The following PZP variants were observed in gnomAD, a reference collection of about 807,000 sequenced individuals.
PZP encodes PZP alpha-2-macroglobulin like.
Under a neutral mutation model 179.8 loss-of-function variants are expected in PZP, and 150 were observed. That is an observed-to-expected ratio of 0.83 (90% CI 0.73 to 0.96). The LOEUF is 0.96. PZP is among the 40% of genes least tolerant of loss of function. The pLI, the probability that PZP is intolerant of heterozygous loss-of-function variation, is 0.00. For missense variants in PZP, 1,689 were observed against 1,764.0 expected, an observed-to-expected ratio of 0.96 and a Z score of 0.76; for synonymous variants, 624 against 652.3, an observed-to-expected ratio of 0.96 and a Z score of 0.66.
chr12:9,175,572 G>A (rs1415865519), intron 15 of PZP, among the ~76,000 whole-genome samples: 1 of 152,054 alleles, frequency 6.6e-6, no homozygotes, highest in Non-Finnish European at 1.5e-5. Context: ...ACCTGAGAAA[G>A]GCCTAATATC....
At chr12:9,146,683 G>A (rs1163220309), downstream of PZP, among the ~76,000 whole-genome samples, 1 of 152,124 alleles carries the variant, frequency 6.6e-6, no homozygotes, top group Non-Finnish European at 1.5e-5. Flanking sequence ...TGGAGGTTGT[G>A]GGAGATTCTA....
At chr12:9,160,671 T>G (rs934758509) in intron 23 of PZP, among the ~76,000 whole-genome samples, 181 bp from the exon 24 acceptor site, 4 of 152,014 alleles carry the variant, frequency 2.6e-5, no homozygotes, top group African/African-American at 9.7e-5. Flanking sequence ...TCCCAGCACT[T>G]TGGGAGGCCG....
rs1252366744 is a variant in PZP at position 9,192,590 on chromosome 12, G to T, written c.1404C>A (p.His468Gln). The T allele has an allele frequency of 6.2e-7, 1 of 1,614,190 alleles. No homozygotes were observed. Among genetic ancestry groups the T allele is most frequent in the South Asian group, 1.1e-5 (1 of 91,082 alleles). Residue 468 changes from histidine to glutamine, a missense_variant, in exon 12 of 36, where the codon CAC (histidine) becomes CAA (glutamine). Physicochemically the swap from His to Gln is conservative, Grantham distance 24 (BLOSUM62 0). Coordinates refer to ENST00000261336, the MANE Select transcript of PZP (RefSeq NM_002864.3). ...EPVAGTLPCGHTETITAHYTL... is the reference protein window; with the variant it reads ...EPVAGTLPCGQTETITAHYTL... ...TATAGTGTGCCGTGATAGTCTCCGT[G>T]TGGCCACAGGGCAGGGTACCAGCCA...
At chr12:9,141,913 G>A in the PZP span, among the ~76,000 whole-genome samples, 1 of 152,290 alleles carries the variant, frequency 6.6e-6, no homozygotes, top group African/African-American at 2.4e-5. Flanking sequence ...TGCAAAGCAG[G>A]CAAGTTGTAC....
Position 9,194,716 on chromosome 12 carries a change from G to A in PZP, c.1093-478C>T, listed in dbSNP as rs754824077. 7.9e-5 allele frequency among the ~76,000 whole-genome samples: 12 copies of A among 152,098 alleles called. 1 individual carries two copies. In the South Asian group the frequency reaches 2.1e-3, roughly 26 times the overall value. ...CCTGACCTCGTGATCTGCCCGCCTC[G>A]GCCTCCGAAAGTGCTGGGATTACAG... On this transcript the variant is annotated intron_variant, in intron 10 of 35. Coordinates refer to ENST00000261336, the MANE Select transcript of PZP (RefSeq NM_002864.3).
In PZP at chr12:9,160,309, C is replaced by T. The variant is rs779078168; in HGVS notation, c.3049+5G>A. The stretch of plus-strand genomic sequence containing the variant: ...ACAAAGTAAATTTTTCTCTGTCTCA[C>T]TTACCAGTGATGAGATAGCCAACGG... On this transcript the variant is annotated splice_donor_5th_base_variant and intron_variant, in intron 24 of 35. Transcript: ENST00000261336. The T allele has an allele frequency of 6.2e-7, 1 of 1,603,810 alleles. No homozygotes were observed. The highest frequency in any genetic ancestry group is 1.1e-5 in the South Asian group (1 of 89,018).
rs189108835 is a variant in PZP at position 9,184,713 on chromosome 12, C to T, written c.1547-2596G>A. Among the ~76,000 whole-genome samples the T allele has an allele frequency of 3.3e-5, 5 of 152,362 alleles. No individual in the cohort carries two copies. The East Asian group carries it at 7.7e-4, about 23-fold the overall frequency. On this transcript the variant is annotated intron_variant, in intron 13 of 35. Coordinates refer to ENST00000261336, the MANE Select transcript of PZP (RefSeq NM_002864.3). ...GAGCACCTTGGTCCCTTCAGTGCAA[C>T]ATGTTCTTAACCTCAAGGAGCCAGA...
chr12:9,163,802 A>C lies in PZP; in HGVS notation c.2615-13T>G, dbSNP rs1186072986. 6.2e-7 allele frequency: 1 copy of C among 1,609,250 alleles called. No individual in the cohort carries two copies. The highest frequency in any genetic ancestry group is 2.2e-5 in the East Asian group (1 of 44,826). On this transcript the variant is annotated splice_polypyrimidine_tract_variant and intron_variant, in intron 20 of 35. Transcript: ENST00000261336. ...AAGTTCACATTCCCTAAAACAAGGA[A>C]TATTGAAAACATGAGTATCCACTTT...
the PZP span, among the ~76,000 whole-genome samples, chr12:9,137,952 T>C: frequency 2.6e-5 from 4 of 152,132 alleles, no homozygotes; most frequent in Non-Finnish European, 1.5e-5. Flanking sequence ...CATAATATAA[T>C]GGCATCAGCA....
intron 15 of PZP, among the ~76,000 whole-genome samples, chr12:9,180,223 C>T (rs564812103): frequency 3.3e-5 from 5 of 151,994 alleles, no homozygotes; most frequent in South Asian, 4.2e-4. Context: ...CATGCTGGTG[C>T]GCAAGGTAAT....
rs1592542235 is a variant in PZP, at chr12:9,192,876, A to C, written c.1255-137T>G. ...TCTCCCTCATACTGGTCGACAGCCA[A>C]ATAAATGAATTTTCAGTCTCCCAAC... On this transcript the variant is annotated intron_variant, in intron 11 of 35. Coordinates refer to ENST00000261336, the MANE Select transcript of PZP (RefSeq NM_002864.3). 3 of 560,718 alleles carry C rather than the reference A, an allele frequency of 5.4e-6. No homozygotes were observed. In the East Asian group the frequency reaches 8.4e-5, roughly 16 times the overall value. The allele number at this position is 560,718 out of a possible 1,614,324, so 34.7% of individuals were successfully genotyped here.
chr12:9,156,266 G>A (rs74671186), intron 28 of PZP: 4,955 of 209,410 alleles, frequency 0.024, 70 homozygotes, highest in Non-Finnish European at 0.027. Context: ...TTCGCTTTGG[G>A]AAACTTCAGT....
intron 15 of PZP, among the ~76,000 whole-genome samples, chr12:9,174,915 C>A (rs1942260206): frequency 6.6e-6 from 1 of 152,238 alleles, no homozygotes; most frequent in South Asian, 2.1e-4. Context: ...CAGTGCTATT[C>A]CCATTAAACT....
At chr12:9,137,558 A>G in the PZP span, among the ~76,000 whole-genome samples, 11 of 152,124 alleles carry the variant, frequency 7.2e-5, 1 homozygote, top group South Asian at 2.1e-3. Flanking sequence ...CTATTTTTTT[A>G]AACAATACCA....
Position 9,201,023 on chromosome 12 carries a change from A to G in PZP, c.539T>C (p.Leu180Pro). 1 of 1,614,128 alleles carries G rather than the reference A, an allele frequency of 6.2e-7. No individual in the cohort carries two copies. Among genetic ancestry groups the G allele is most frequent in the Non-Finnish European group, 8.5e-7 (1 of 1,179,972 alleles). Residue 180 changes from leucine to proline, a missense_variant, in exon 6 of 36, where the codon CTC (leucine) becomes CCC (proline). By Grantham distance (98) the Leu-to-Pro change is moderately conservative (BLOSUM62 -3). Transcript: ENST00000261336. ...CTGATTGATGCCAGCTTCTAGCTTG[A>G]GACTCTGCCATTGTGCAATTCGATT... ...RRNRIAQWQS[L>P]KLEAGINQLS...
At position 9,159,995 on chromosome 12, in the gene PZP, T is replaced by G; in HGVS notation, c.3080A>C (p.Gln1027Pro). Reference sequence around the variant, plus strand: ...CCCAAAGGTGCTGTAGGAGCCATCTTGGTGTTTGTAGTTCAGCTGTCTCTG... The same window carrying G: ...CCCAAAGGTGCTGTAGGAGCCATCTGGGTGTTTGTAGTTCAGCTGTCTCTG... ...GYQRQLNYKH[Q>P]DGSYSTFGER... Residue 1027 changes from glutamine to proline, a missense_variant, in exon 25 of 36, where the codon CAA becomes CCA. By Grantham distance (76) the Gln-to-Pro change is moderately conservative. Coordinates refer to ENST00000261336, the MANE Select transcript of PZP (RefSeq NM_002864.3). 3 of 1,613,984 alleles carry G rather than the reference T, an allele frequency of 1.9e-6. No individual in the cohort carries two copies. The highest frequency in any genetic ancestry group is 2.5e-6 in the Non-Finnish European group (3 of 1,179,916).
At chr12:9,207,200 C>T (rs1944477676) in intron 1 of PZP, among the ~76,000 whole-genome samples, 1 of 152,140 alleles carries the variant, frequency 6.6e-6, no homozygotes, top group African/African-American at 2.4e-5. Context: ...ATCCCTTTCC[C>T]GATTTGGGAC....
At position 9,200,425 on chromosome 12, in the gene PZP, C is replaced by A. The variant is rs1442156163; in HGVS notation, c.694G>T (p.Val232Phe). Reference protein sequence around the residue: ...EFVLPKFEVKVQVPKIISIMD... With the variant: ...EFVLPKFEVKFQVPKIISIMD... ...ATACTGATTATCTTTGGCACCTGAA[C>A]TTTGACCTCAAACTTGGGAAGCACT... Residue 232 changes from valine to phenylalanine, a missense_variant, in exon 7 of 36, where the codon GTT (valine) becomes TTT (phenylalanine). By Grantham distance (50) the Val-to-Phe change is conservative. Around this residue, in one of 3 missense-constraint regions of PZP, gnomAD observed 742 missense variants for 730.5 expected, o/e 1.02. Transcript: ENST00000261336. The A allele has an allele frequency of 6.2e-7, 1 of 1,611,006 alleles. No homozygotes were observed.
chr12:9,172,585 G>A (rs78096008), intron 15 of PZP, among the ~76,000 whole-genome samples: 3,768 of 152,278 alleles, frequency 0.025, 71 homozygotes, highest in Non-Finnish European at 0.039. Flanking sequence ...CTATCTTCAA[G>A]AGACTCATCT....
Sources: allele counts gnomAD v4.1 joint callset (sites outside exome capture counted in the v4.1 genomes callset), GRCh38; gene constraint gnomAD v4.1.1; regional missense constraint gnomAD v4.1.1; transcripts MANE v1.5; gene names NCBI Gene and HGNC (gene_info 2026-07-23, HGNC 2026-07-21).